Variants in HCN1 observed in about 807,000 individuals in gnomAD.
The protein encoded by HCN1 is hyperpolarization activated cyclic nucleotide gated potassium channel 1.
Under a neutral mutation model 78.9 loss-of-function variants are expected in HCN1, and 13 were observed. The observed-to-expected ratio is 0.16, with a 90% CI of 0.11 to 0.26. The LOEUF is 0.26. Among genes scored for constraint, HCN1 ranks in the 10% least tolerant of loss-of-function variants. The pLI, the probability that HCN1 is intolerant of heterozygous loss-of-function variation, is 1.00. For synonymous variants in HCN1, 552 were observed against 455.5 expected (o/e 1.21, Z -2.70); for missense variants, 810 against 1,154.3 (o/e 0.70, Z 4.32).
intron 2 of HCN1, among the ~76,000 whole-genome samples, chr5:45,528,324 A>G (rs979574941): frequency 1.3e-5 from 2 of 151,954 alleles, no homozygotes; most frequent in African/African-American, 4.8e-5. Flanking sequence ...CTAATAGCTT[A>G]TATTTCATAT....
At position 45,586,955 on chromosome 5, in the gene HCN1, G is replaced by T. The variant is rs779580248; in HGVS notation, c.849+58230C>A. Among the ~76,000 whole-genome samples the T allele has an allele frequency of 4.6e-5, 7 of 152,216 alleles. No individual in the cohort carries two copies. In the East Asian group the frequency reaches 1.4e-3, roughly 29 times the overall value. ...ATTCTGTGGGCCATCACTAACCAAGGTTGGCTATAATCATTCCATTATATC... is the reference window on the plus strand; with the variant it reads ...ATTCTGTGGGCCATCACTAACCAAGTTTGGCTATAATCATTCCATTATATC... On this transcript the variant is annotated intron_variant, in intron 2 of 7. Transcript: ENST00000303230.
chr5:45,277,464 A>G (rs1745086337), intron 6 of HCN1, among the ~76,000 whole-genome samples: 1 of 152,132 alleles, frequency 6.6e-6, no homozygotes, highest in Non-Finnish European at 1.5e-5. Context: ...CTAAACATAA[A>G]CAAAACAAAA....
At chr5:45,684,950 T>C (rs77807633) in intron 1 of HCN1, among the ~76,000 whole-genome samples, 1 of 152,178 alleles carries the variant, frequency 6.6e-6, no homozygotes, top group African/African-American at 2.4e-5. Context: ...ACCTAGGTAG[T>C]GTAAATTTTA....
At chr5:45,482,937 T>A (rs896527205) in intron 2 of HCN1, among the ~76,000 whole-genome samples, 39 of 152,206 alleles carry the variant, frequency 2.6e-4, no homozygotes, top group African/African-American at 9.4e-4. Context: ...AACATATGAT[T>A]TCATTTCTTT....
intron 7 of HCN1, among the ~76,000 whole-genome samples, chr5:45,263,657 T>C (rs1258389330): frequency 6.6e-6 from 1 of 152,186 alleles, no homozygotes; most frequent in African/African-American, 2.4e-5. Flanking sequence ...TCTGGAGCTT[T>C]AAAAAATACT....
At chr5:45,529,844 A>T (rs1742803654) in intron 2 of HCN1, among the ~76,000 whole-genome samples, 1 of 152,086 alleles carries the variant, frequency 6.6e-6, no homozygotes, top group African/African-American at 2.4e-5. Flanking sequence ...TGTTTTCAAA[A>T]CTGGGTTTAT....
intron 2 of HCN1, among the ~76,000 whole-genome samples, chr5:45,490,794 C>T (rs535710852): frequency 6.6e-6 from 1 of 152,178 alleles, no homozygotes; most frequent in African/African-American, 2.4e-5. Flanking sequence ...TTTCTTCCAA[C>T]TTTCATACAT....
At chr5:45,500,720 C>CA (rs1203455410) in intron 2 of HCN1, among the ~76,000 whole-genome samples, 1 of 152,074 alleles carries the variant, frequency 6.6e-6, no homozygotes, top group African/African-American at 2.4e-5. Context: ...CAAAATCACA[C>CA]AAAAAGTTTT....
intron 5 of HCN1, among the ~76,000 whole-genome samples, chr5:45,337,000 A>C (rs183074408): frequency 2.6e-5 from 4 of 151,898 alleles, no homozygotes; most frequent in Non-Finnish European, 5.9e-5. Flanking sequence ...CAGAGGGCAT[A>C]AATACTCACC....
intron 3 of HCN1, among the ~76,000 whole-genome samples, chr5:45,405,877 T>C (rs566810091): frequency 6.6e-6 from 1 of 152,300 alleles, no homozygotes; most frequent in East Asian, 1.9e-4. Context: ...TTTTGAGAGT[T>C]CATTCTCAAC....
At chr5:45,512,214 T>G (rs1315143774) in intron 2 of HCN1, among the ~76,000 whole-genome samples, 1 of 152,082 alleles carries the variant, frequency 6.6e-6, no homozygotes, top group African/African-American at 2.4e-5. Flanking sequence ...ATTTTACATA[T>G]TCCACTAGTC....
intron 3 of HCN1, among the ~76,000 whole-genome samples, chr5:45,428,568 A>G (rs1248893627): frequency 6.6e-6 from 1 of 152,138 alleles, no homozygotes; most frequent in Non-Finnish European, 1.5e-5. Context: ...GCTAATTTAT[A>G]TACACATTTA....
chr5:45,462,869 C>T (rs1741188761), intron 2 of HCN1, among the ~76,000 whole-genome samples: 1 of 151,986 alleles, frequency 6.6e-6, no homozygotes, highest in Non-Finnish European at 1.5e-5. Context: ...CTTTCTTTAG[C>T]AGTTTATTGT....
At chr5:45,459,158 C>A (rs1741090399) in intron 3 of HCN1, among the ~76,000 whole-genome samples, 1 of 151,862 alleles carries the variant, frequency 6.6e-6, no homozygotes. Flanking sequence ...AATCCCAACA[C>A]ACTGGGAGGC....
At chr5:45,453,516 T>G (rs1740965443) in intron 3 of HCN1, among the ~76,000 whole-genome samples, 1 of 152,092 alleles carries the variant, frequency 6.6e-6, no homozygotes, top group Non-Finnish European at 1.5e-5. Context: ...TTCTGAGCTC[T>G]TCCAGCAGTG....
At chr5:45,600,633 G>A (rs1744603351) in intron 2 of HCN1, among the ~76,000 whole-genome samples, 1 of 152,146 alleles carries the variant, frequency 6.6e-6, no homozygotes, top group Non-Finnish European at 1.5e-5. Flanking sequence ...ACAGTTGGAG[G>A]AGACAAAAAT....
chr5:45,658,556 C>T (rs1745837551), intron 1 of HCN1, among the ~76,000 whole-genome samples: 1 of 152,066 alleles, frequency 6.6e-6, no homozygotes, highest in Non-Finnish European at 1.5e-5. Flanking sequence ...GTTCATCTCA[C>T]TAGGGAGTGC....
At chr5:45,416,692 T>C (rs56908114) in intron 3 of HCN1, among the ~76,000 whole-genome samples, 78,100 of 151,738 alleles carry the variant, frequency 0.51, 21,742 homozygotes, top group African/African-American at 0.73. Context: ...ATATTAGAAA[T>C]GAAAGCAGAA....
intron 2 of HCN1, among the ~76,000 whole-genome samples, chr5:45,510,308 T>C (rs933321345): frequency 6.6e-6 from 1 of 152,048 alleles, no homozygotes; most frequent in Non-Finnish European, 1.5e-5. Flanking sequence ...GTGAAGAACA[T>C]TTTTTTCAGA....
Sources: gnomAD v4.1 joint callset for allele counts (sites outside exome capture counted in the v4.1 genomes callset) on GRCh38, gnomAD v4.1.1 for gene constraint, MANE v1.5 for transcripts, NCBI Gene and HGNC (gene_info 2026-07-23, HGNC 2026-07-21) for gene names.